KLK6: variants seen among roughly 807,000 people sequenced by gnomAD.
KLK6 encodes kallikrein related peptidase 6, also known as kallikrein-6.
In KLK6, 16 loss-of-function variants were observed where a neutral mutation model predicts 21.7. The ratio of observed to expected loss-of-function variants is 0.74; its 90% confidence interval spans 0.50 to 1.12. KLK6 has a LOEUF of 1.12. Among genes scored for constraint, KLK6 ranks in the 50% most tolerant of loss-of-function variants. The pLI, the probability that KLK6 is intolerant of heterozygous loss-of-function variation, is 0.00. For synonymous variants in KLK6, 116 were observed against 120.1 expected (o/e 0.97, Z 0.22); for missense variants, 276 against 304.6 (o/e 0.91, Z 0.70).
In KLK6 at chr19:50,958,964, C is replaced by T. The variant is rs185391180; in HGVS notation, c.*200G>A. 2 of 619,010 alleles carry T rather than the reference C, an allele frequency of 3.2e-6. No homozygotes were observed. The highest frequency in any genetic ancestry group is 2.8e-5 in the East Asian group (1 of 36,142). 38.3% of individuals were successfully genotyped at this position (619,010 alleles called of 1,614,324 possible). A position where few individuals can be genotyped will look rare whatever the true frequency, so the allele number is the denominator to read the frequency against. On this transcript the variant is annotated 3_prime_UTR_variant, in exon 7 of 7. Coordinates refer to ENST00000310157, the MANE Select transcript of KLK6 (RefSeq NM_002774.4). ...GGGTAAGACCGAGGACCCAAGTCCT[C>T]ACTCATCACGTCCTCCCCAGTGATG...
intron 4 of KLK6, among the ~76,000 whole-genome samples, chr19:50,965,956 C>T (rs534989292): frequency 6.6e-6 from 1 of 152,246 alleles, no homozygotes; most frequent in Admixed American, 6.5e-5. Context: ...GGATCAGCGC[C>T]CAGGGTTTTT....
At chr19:50,968,831 GCTACACC>G (rs1322891825) in intron 1 of KLK6, 1 of 153,302 alleles carries the variant, frequency 6.5e-6, no homozygotes, top group Non-Finnish European at 1.5e-5. Context: ...CAGGAGACTG[GCTACACC>G]CTTTTCCTCC....
intron 6 of KLK6, among the ~76,000 whole-genome samples, chr19:50,961,093 T>A (rs139003896): frequency 0.039 from 4,570 of 115,706 alleles, 74 homozygotes; most frequent in East Asian, 0.27. Context: ...AGAGATAGGG[T>A]TTCACCATGT....
At chr19:50,964,368 C>T (rs954340829) in intron 4 of KLK6, among the ~76,000 whole-genome samples, 3 of 152,286 alleles carry the variant, frequency 2.0e-5, no homozygotes, top group Middle Eastern at 3.4e-3. Flanking sequence ...CACAATCATC[C>T]GACCTGCTAT....
intron 4 of KLK6, among the ~76,000 whole-genome samples, chr19:50,965,691 G>C (rs1018384695): frequency 1.3e-5 from 2 of 152,188 alleles, no homozygotes; most frequent in African/African-American, 4.8e-5. Flanking sequence ...GCACTTAGCA[G>C]GTGCTCTTAG....
At chr19:50,967,704 C>CA (rs35743049) in intron 3 of KLK6, among the ~76,000 whole-genome samples, 221 of 146,032 alleles carry the variant, frequency 1.5e-3, no homozygotes, top group African/African-American at 2.2e-3. Flanking sequence ...GACCCTGTCT[C>CA]AAAAAAAAAA....
At chr19:50,968,299 C>T (rs559395065) in intron 2 of KLK6, 187 bp from the exon 3 acceptor site, 112 of 648,016 alleles carry the variant, frequency 1.7e-4, no homozygotes, top group African/African-American at 1.5e-3. Context: ...GAGGATCCCA[C>T]GAAAACAGTG....
In KLK6 at chr19:50,968,080, T is replaced by C; in HGVS notation, c.25A>G (p.Ser9Gly). Residue 9 changes from serine to glycine, a missense_variant, in exon 3 of 7, where the codon AGT becomes GGT. Physicochemically the swap from Ser to Gly is moderately conservative, Grantham distance 56. Coordinates refer to ENST00000310157, the MANE Select transcript of KLK6 (RefSeq NM_002774.4). Reference protein sequence around the residue: MKKLMVVLSLIAAAWAEEQ... With the variant: MKKLMVVLGLIAAAWAEEQ... ...CTTTCCCCACCTGCAGCAATCAGAC[T>C]CAGCACCACCATCAGCTTCTTCATG... The C allele has an allele frequency of 6.2e-7, 1 of 1,613,606 alleles. No homozygotes were observed. The highest frequency in any genetic ancestry group is 8.5e-7 in the Non-Finnish European group (1 of 1,179,870).
At chr19:50,967,381 C>G (rs2122168283) in intron 3 of KLK6, 56 bp from the exon 4 acceptor site, 1 of 1,509,860 alleles carries the variant, frequency 6.6e-7, no homozygotes, top group Non-Finnish European at 8.9e-7. Flanking sequence ...AAGCGCATCC[C>G]CCTCAACATG....
Position 50,959,593 on chromosome 19 carries a change from G to T in KLK6, c.583-277C>A, listed in dbSNP as rs76845093. ...ATGCCAAGATGCAGAGGAACATAGA[G>T]AGCAAGAAAGAGAAACAATTTAAGA... On this transcript the variant is annotated intron_variant, in intron 6 of 6. Transcript: ENST00000310157. Among the ~76,000 whole-genome samples, 2,206 of 143,606 alleles carry T rather than the reference G, an allele frequency of 0.015. 50 individuals are homozygous for T. The highest frequency in any genetic ancestry group is 0.047 in the African/African-American group (1,803 of 38,066). 94.2% of individuals were successfully genotyped at this position (143,606 alleles called of 152,430 possible). A position where few individuals can be genotyped will look rare whatever the true frequency, so the allele number is the denominator to read the frequency against.
At chr19:50,962,622 C>T (rs976029666) in intron 5 of KLK6, 3 of 153,210 alleles carry the variant, frequency 2.0e-5, no homozygotes, top group Admixed American at 6.5e-5. Flanking sequence ...CTCTCCCTTC[C>T]TATTAGCCCT....
chr19:50,959,935 AGGAGGAGGAAAAGGG>A (rs1568535671), intron 6 of KLK6, among the ~76,000 whole-genome samples: 1 of 74,804 alleles, frequency 1.3e-5, no homozygotes, highest in Non-Finnish European at 2.6e-5. Context: ...GAGGAAAAGG[AGGAGGAGGAAAAGGG>A]GGAGGAGGAA....
chr19:50,960,005 GGAA>G (rs1446172068), intron 6 of KLK6, among the ~76,000 whole-genome samples: 3 of 103,998 alleles, frequency 2.9e-5, no homozygotes, highest in African/African-American at 1.3e-4. Context: ...AAGAGGAGAA[GGAA>G]GAGGAGAAGG....
chr19:50,959,028 C>T lies in KLK6; in HGVS notation c.*136G>A, dbSNP rs1382010418. 1.9e-5 allele frequency: 17 copies of T among 905,054 alleles called. No individual in the cohort carries two copies. Among genetic ancestry groups the T allele is most frequent in the Non-Finnish European group, 2.6e-5 (15 of 569,246 alleles). 56.1% of individuals were successfully genotyped at this position (905,054 alleles called of 1,614,324 possible). The stretch of plus-strand genomic sequence containing the variant: ...GGGGTAAAACCAGGGAGAATCAGGA[C>T]CCTCACGTCGCTGCGTTTATTAAGC... On this transcript the variant is annotated 3_prime_UTR_variant, in exon 7 of 7. Coordinates refer to ENST00000310157, the MANE Select transcript of KLK6 (RefSeq NM_002774.4).
rs2090848867 is a variant in KLK6 at position 50,961,949 on chromosome 19, C to CT, written c.446-70_446-69insA. On this transcript the variant is annotated intron_variant, in intron 5 of 6. Coordinates refer to ENST00000310157, the MANE Select transcript of KLK6 (RefSeq NM_002774.4). The stretch of plus-strand genomic sequence containing the variant: ...TCCCCTCATCCTCCCCAGTCACCCC[C>CT]CAACCCCTATAAGTCCTCCATCCTC... 2.6e-6 allele frequency: 4 copies of CT among 1,550,546 alleles called. No individual in the cohort carries two copies. The South Asian group carries it at 4.9e-5, about 19-fold the overall frequency.
At chr19:50,965,768 A>C (rs2090917765) in intron 4 of KLK6, among the ~76,000 whole-genome samples, 1 of 152,184 alleles carries the variant, frequency 6.6e-6, no homozygotes, top group Non-Finnish European at 1.5e-5. Flanking sequence ...GGGTCAGGGG[A>C]ACCACCCCAG....
rs777841287 is a variant in KLK6, at chr19:50,959,300, G to A, written c.599C>T (p.Pro200Leu). 5.0e-6 allele frequency: 8 copies of A among 1,613,338 alleles called. No homozygotes were observed. Among genetic ancestry groups the A allele is most frequent in the Admixed American group, 1.7e-5 (1 of 59,888 alleles). ...KDSCQGDSGGPLVCGDHLRGL... is the reference protein window; with the variant it reads ...KDSCQGDSGGLLVCGDHLRGL... Reference sequence around the variant, plus strand: ...TCGGAGGTGGTCTCCACATACCAGCGGACCCCCAGAATCACCCTGCAGGAA... The same window carrying A: ...TCGGAGGTGGTCTCCACATACCAGCAGACCCCCAGAATCACCCTGCAGGAA... Residue 200 changes from proline to leucine, a missense_variant, in exon 7 of 7, where the codon CCG (proline) becomes CTG (leucine). By Grantham distance (98) the Pro-to-Leu change is moderately conservative. Coordinates refer to ENST00000310157, the MANE Select transcript of KLK6 (RefSeq NM_002774.4).
intron 4 of KLK6, among the ~76,000 whole-genome samples, chr19:50,966,194 C>G (rs770820635): frequency 1.3e-5 from 2 of 152,164 alleles, no homozygotes; most frequent in African/African-American, 2.4e-5. Context: ...CTGCCTACAC[C>G]CGGCCTGTTT....
At chr19:50,960,031 G>GA (rs2090808628) in intron 6 of KLK6, among the ~76,000 whole-genome samples, 1 of 50,276 alleles carries the variant, frequency 2.0e-5, no homozygotes, top group African/African-American at 1.3e-4. Flanking sequence ...GAGGAGGAGG[G>GA]GGAAGACGAG....
Sources: gnomAD v4.1 joint callset for allele counts (sites outside exome capture counted in the v4.1 genomes callset) on GRCh38, gnomAD v4.1.1 for gene constraint, MANE v1.5 for transcripts, NCBI Gene and HGNC (gene_info 2026-07-23, HGNC 2026-07-21) for gene names.